PPP1R13B: variants seen among roughly 807,000 people sequenced by gnomAD.
PPP1R13B encodes apoptosis-stimulating of p53 protein 1.
Under a neutral mutation model 119.8 loss-of-function variants are expected in PPP1R13B, and 44 were observed. The ratio of observed to expected loss-of-function variants is 0.37; its 90% CI spans 0.29 to 0.47. The LOEUF (loss-of-function observed/expected upper bound fraction) is 0.47, where lower values mean the gene tolerates loss of function less well. Ranked by LOEUF, PPP1R13B falls within the 20% of genes least tolerant of loss-of-function variation. PPP1R13B has a pLI of 0.99. For synonymous variants in PPP1R13B, 542 were observed against 561.5 expected (o/e 0.97, Z 0.49); for missense variants, 1,227 against 1,413.5 (o/e 0.87, Z 2.12).
rs961278401 is a variant in PPP1R13B at position 103,775,283 on chromosome 14, T to A, written c.354+3462A>T. On this transcript the variant is annotated intron_variant, in intron 4 of 16. Coordinates refer to ENST00000202556, the MANE Select transcript of PPP1R13B (RefSeq NM_015316.3). ...TTTCACTTATTATTATTATTATTTTTTTTTTTTTGGAGACAGAGTCTCGCT... is the reference window on the plus strand; with the variant it reads ...TTTCACTTATTATTATTATTATTTTATTTTTTTTGGAGACAGAGTCTCGCT... 1.1e-3 allele frequency among the ~76,000 whole-genome samples: 173 copies of A among 151,846 alleles called. 1 individual carries two copies. Among genetic ancestry groups the A allele is most frequent in the Admixed American group, 4.1e-3 (63 of 15,260 alleles).
At chr14:103,793,651 T>C (rs909960058) in intron 2 of PPP1R13B, among the ~76,000 whole-genome samples, 4 of 151,924 alleles carry the variant, frequency 2.6e-5, no homozygotes, top group African/African-American at 9.7e-5. Flanking sequence ...TAGCATCTTG[T>C]ATAATGGAAA....
rs1264322469 is a variant in PPP1R13B, at chr14:103,749,784, T to C, written c.969+10A>G. On this transcript the variant is annotated intron_variant, in intron 8 of 16. Transcript: ENST00000202556. ...TTAGTAGTTTATCTCACAAAAACTTTTTCACATGCCTGAATTTTTTTCCCA... is the reference window on the plus strand; with the variant it reads ...TTAGTAGTTTATCTCACAAAAACTTCTTCACATGCCTGAATTTTTTTCCCA... 6.2e-7 allele frequency: 1 copy of C among 1,608,462 alleles called. No homozygotes were observed. Among genetic ancestry groups the C allele is most frequent in the Non-Finnish European group, 8.5e-7 (1 of 1,178,594 alleles).
chr14:103,784,647 C>A, intron 3 of PPP1R13B, 148 bp downstream of exon 3: 1 of 509,888 alleles, frequency 2.0e-6, no homozygotes, highest in South Asian at 7.0e-5. Flanking sequence ...CTAACAGAAG[C>A]CAAAGTAACA....
intron 1 of PPP1R13B, among the ~76,000 whole-genome samples, chr14:103,808,507 T>G (rs1240585104): frequency 1.3e-5 from 2 of 152,196 alleles, no homozygotes; most frequent in African/African-American, 4.8e-5. Context: ...GTTTACTAAT[T>G]TGTGTTGGGC....
chr14:103,741,792 G>A lies in PPP1R13B; in HGVS notation c.1820C>T (p.Ala607Val). The change falls in exon 11 of 17, where the codon GCA (alanine) becomes GTA (valine). Residue 607 changes from alanine to valine, a missense_variant and splice_region_variant. Coordinates refer to ENST00000202556, the MANE Select transcript of PPP1R13B (RefSeq NM_015316.3). ...AHSALNKSVKAVYGKPVLPSG... is the reference protein window; with the variant it reads ...AHSALNKSVKVVYGKPVLPSG... The stretch of plus-strand genomic sequence containing the variant: ...AGGAGAGTATAAACCCACTCTACCT[G>A]CTTTAACTGACTTATTTAAGGCGCT... The A allele has an allele frequency of 1.9e-6, 3 of 1,613,372 alleles. No homozygotes were observed. The highest frequency in any genetic ancestry group is 2.5e-6 in the Non-Finnish European group (3 of 1,179,404).
chr14:103,809,119 G>A (rs578196118), intron 1 of PPP1R13B, among the ~76,000 whole-genome samples: 3 of 152,244 alleles, frequency 2.0e-5, no homozygotes, highest in South Asian at 4.1e-4. Context: ...GCCTCCCAAA[G>A]TGCTGGGATT....
rs746375391 is a variant in PPP1R13B, at chr14:103,738,951, G to A, written c.2665C>T (p.Leu889=). Residue 889 remains leucine, a synonymous_variant, in exon 13 of 17, where the codon CTG becomes TTG. Coordinates refer to ENST00000202556, the MANE Select transcript of PPP1R13B (RefSeq NM_015316.3). The surrounding 1 kb of genome is among the most constrained non-coding windows in gnomAD (Gnocchi z 5.6). ...AGAGACGCGTCTAGGAGCAGTGCCA[G>A]GGGGTTAAACCGGACTCTCAGCCCG... ...GHGLRVRFNP[L]ALLLDASLEG... The A allele has an allele frequency of 5.0e-6, 8 of 1,614,014 alleles. No individual in the cohort carries two copies. In the South Asian group the frequency reaches 8.8e-5, roughly 18 times the overall value.
At chr14:103,789,967 C>T (rs1057483598) in intron 2 of PPP1R13B, among the ~76,000 whole-genome samples, 1 of 151,800 alleles carries the variant, frequency 6.6e-6, no homozygotes, top group Admixed American at 6.6e-5. Context: ...AAATGAAGGC[C>T]GGGCCCGGTG....
intron 8 of PPP1R13B, among the ~76,000 whole-genome samples, chr14:103,748,957 C>T (rs1234883441): frequency 6.6e-6 from 1 of 152,128 alleles, no homozygotes; most frequent in African/African-American, 2.4e-5. Flanking sequence ...AAGTTCTGTA[C>T]CTTTGTGTCT....
At chr14:103,750,312 C>T (rs1535097) in intron 7 of PPP1R13B, among the ~76,000 whole-genome samples, 67,834 of 152,038 alleles carry the variant, frequency 0.45, 15,649 homozygotes, top group African/African-American at 0.56. Flanking sequence ...CAGCAGGAAA[C>T]TCAAAAAGGA....
chr14:103,745,977 C>G (rs772548935), intron 9 of PPP1R13B, among the ~76,000 whole-genome samples: 1 of 151,998 alleles, frequency 6.6e-6, no homozygotes, highest in Non-Finnish European at 1.5e-5. Flanking sequence ...GGCTAATTTT[C>G]GTAGTTTTAG....
intron 4 of PPP1R13B, among the ~76,000 whole-genome samples, chr14:103,768,390 A>G (rs1386034832): frequency 1.3e-5 from 2 of 152,070 alleles, no homozygotes; most frequent in Non-Finnish European, 2.9e-5. Flanking sequence ...TCCGCCTCCC[A>G]GGTTCAAGCA....
rs149305013 is a variant in PPP1R13B, at chr14:103,789,717, T to A, written c.158-4803A>T. On this transcript the variant is annotated intron_variant, in intron 2 of 16. Transcript: ENST00000202556. ...TTAGTAGAGACAGAGTTTCACCATG[T>A]CGGCCAGGCTGGTCTCAAACCACTG... Among the ~76,000 whole-genome samples the A allele has an allele frequency of 3.6e-3, 552 of 152,086 alleles. 5 individuals are homozygous for A. Among genetic ancestry groups the A allele is most frequent in the African/African-American group, 0.013 (535 of 41,486 alleles).
chr14:103,777,919 T>C (rs1472514436), intron 4 of PPP1R13B, among the ~76,000 whole-genome samples: 7 of 151,134 alleles, frequency 4.6e-5, no homozygotes, highest in Admixed American at 4.6e-4. Context: ...CTCAGCCTCC[T>C]GAGTAGCTGG....
In PPP1R13B at chr14:103,733,274, T is replaced by C; in HGVS notation, c.*1880A>G. 1 of 492,670 alleles carries C rather than the reference T, an allele frequency of 2.0e-6. No individual in the cohort carries two copies. The highest frequency in any genetic ancestry group is 2.7e-5 in the South Asian group (1 of 36,548). 30.5% of individuals were successfully genotyped at this position (492,670 alleles called of 1,614,324 possible). ...TAATTGGGGGTGGGAGAGACTGAGC[T>C]ACACTACTGCTAAACTATTTTTAGC... is the stretch of plus-strand genomic sequence containing the variant. On this transcript the variant is annotated 3_prime_UTR_variant, in exon 17 of 17. Coordinates refer to ENST00000202556, the MANE Select transcript of PPP1R13B (RefSeq NM_015316.3).
chr14:103,764,244 C>T (rs1259654123), intron 4 of PPP1R13B: 1 of 159,582 alleles, frequency 6.3e-6, no homozygotes, highest in East Asian at 1.9e-4. Context: ...CAATGGACAC[C>T]AGTGTGTCCA....
chr14:103,846,300 A>G (rs1039435627), intron 1 of PPP1R13B, among the ~76,000 whole-genome samples: 7 of 152,238 alleles, frequency 4.6e-5, no homozygotes, highest in African/African-American at 1.7e-4. Context: ...GAAATCAAAG[A>G]GGAAGAAGGG....
chr14:103,734,492 A>AG lies in PPP1R13B; in HGVS notation c.*661dup. On this transcript the variant is annotated 3_prime_UTR_variant, in exon 17 of 17. Coordinates refer to ENST00000202556, the MANE Select transcript of PPP1R13B (RefSeq NM_015316.3). ...GCTCTCCCAGTTGTCACTTGGTCTT[A>AG]GGGGTCCTGGTGCCCGTGGCGCGGC... 1 of 456,210 alleles carries AG rather than the reference A, an allele frequency of 2.2e-6. No individual in the cohort carries two copies. The highest frequency in any genetic ancestry group is 1.5e-5 in the South Asian group (1 of 64,550). 28.3% of individuals were successfully genotyped at this position (456,210 alleles called of 1,614,324 possible).
chr14:103,742,348 T>G lies in PPP1R13B; in HGVS notation c.1321-57A>C. The G allele has an allele frequency of 6.7e-7, 1 of 1,493,810 alleles. No homozygotes were observed. Among genetic ancestry groups the G allele is most frequent in the Non-Finnish European group, 8.9e-7 (1 of 1,126,486 alleles). 92.5% of individuals were successfully genotyped at this position (1,493,810 alleles called of 1,614,324 possible). On this transcript the variant is annotated intron_variant, in intron 10 of 16. Transcript: ENST00000202556. This position sits in a 1 kb window ranked among gnomAD's most constrained non-coding sequence, Gnocchi z 4.9. ...TCACCCTTTGAACAGTTAAGAATAT[T>G]TCCACCCACATTCCCAAGAGAATAC...
Sources: gnomAD v4.1 joint callset for allele counts (sites outside exome capture counted in the v4.1 genomes callset) on GRCh38, gnomAD v4.1.1 for gene constraint, Gnocchi (gnomAD v3.1) non-coding constraint, MANE v1.5 for transcripts, NCBI Gene and HGNC (gene_info 2026-07-23, HGNC 2026-07-21) for gene names.